MACF1: variants seen among roughly 807,000 people sequenced by gnomAD.
MACF1 encodes microtubule actin crosslinking factor 1.
A neutral mutation model predicts 854.8 loss-of-function variants in MACF1; 193 were observed. The observed-to-expected ratio is 0.23, with a 90% CI of 0.20 to 0.25. MACF1 has a LOEUF of 0.25. MACF1 is among the 10% of genes least tolerant of loss of function. The pLI is 1.00. For missense variants in MACF1, 7,722 were observed against 8,929.1 expected (o/e 0.86, Z 5.45); for synonymous variants, 3,185 against 3,226.7 (o/e 0.99, Z 0.44).
intron 2 of MACF1, among the ~76,000 whole-genome samples, chr1:39,143,652 CATCTT>C (rs1643396751): frequency 6.6e-6 from 1 of 152,194 alleles, no homozygotes; most frequent in Non-Finnish European, 1.5e-5. Flanking sequence ...CTTACTGTTA[CATCTT>C]ACCACTGGGG....
intron 84 of MACF1, among the ~76,000 whole-genome samples, chr1:39,449,570 T>G (rs923476240): frequency 2.2e-4 from 34 of 151,948 alleles, no homozygotes; most frequent in African/African-American, 8.2e-4. Flanking sequence ...GGCTAGTTTT[T>G]TGTATTTTTA....
intron 2 of MACF1, among the ~76,000 whole-genome samples, chr1:39,111,868 G>A (rs1288657425): frequency 1.3e-5 from 2 of 152,056 alleles, no homozygotes; most frequent in Non-Finnish European, 1.5e-5. Context: ...AGTTTCTGAA[G>A]TAAATTAGAA....
Position 39,285,516 on chromosome 1 carries a change from G to A in MACF1, c.1354-88G>A, listed in dbSNP as rs1350018947. ...ATTATTTCCCTTTTTTTTTTTTTTT[G>A]GAATTGCAGTAGACTTCTTGGCTCC... is the stretch of plus-strand genomic sequence containing the variant. On this transcript the variant is annotated intron_variant, in intron 13 of 100. Coordinates refer to ENST00000564288, the MANE Select transcript of MACF1 (RefSeq NM_001394062.1). 2.6e-6 allele frequency: 3 copies of A among 1,169,216 alleles called. No homozygotes were observed. In the South Asian group the frequency reaches 4.4e-5, roughly 17 times the overall value. 72.4% of individuals were successfully genotyped at this position (1,169,216 alleles called of 1,614,324 possible). A position where few individuals can be genotyped will look rare whatever the true frequency, so the allele number is the denominator to read the frequency against.
At position 39,388,081 on chromosome 1, in the gene MACF1, C is replaced by T. The variant is rs1408383694; in HGVS notation, c.15239C>T (p.Ala5080Val). 1 of 1,614,048 alleles carries T rather than the reference C, an allele frequency of 6.2e-7. No homozygotes were observed. Among genetic ancestry groups the T allele is most frequent in the African/African-American group, 1.3e-5 (1 of 75,004 alleles). The change falls in exon 58 of 101, where the codon GCC (alanine) becomes GTC (valine). Residue 5080 changes from alanine to valine, a missense_variant. By Grantham distance (64) the Ala-to-Val change is moderately conservative. This residue lies in a region of MACF1 where 2,807 missense variants were observed against 3,235.8 expected (regional missense o/e 0.87). Transcript: ENST00000564288. ...TTTACTCAGGGTCTGGTAGAAGATG[C>T]CCCAGATGGATCTGATGCTTCTCAA... ...RNFTQGLVED[A>V]PDGSDASQLL... is the part of the protein sequence containing the mutation.
Position 39,358,850 on chromosome 1 carries a change from C to T in MACF1, c.12097C>T (p.Gln4033Ter), listed in dbSNP as rs1417500284. 6.2e-7 allele frequency: 1 copy of T among 1,609,486 alleles called. No individual in the cohort carries two copies. The highest frequency in any genetic ancestry group is 1.3e-5 in the African/African-American group (1 of 74,528). The change falls in exon 46 of 101, where the codon CAG (glutamine) becomes TAG (stop). Residue 4033 changes from glutamine to a stop codon, truncating the protein, a stop_gained. Coordinates refer to ENST00000564288, the MANE Select transcript of MACF1 (RefSeq NM_001394062.1). LOFTEE classifies it high-confidence loss of function. Reference sequence around the variant, plus strand: ...TGTTGCCTCTGACCCTGGAGTTCTCCAGGAGCAGCTTGCAACAACAAAGGT... The same window carrying T: ...TGTTGCCTCTGACCCTGGAGTTCTCTAGGAGCAGCTTGCAACAACAAAGGT... The part of the protein sequence containing the change: ...DTVASDPGVL[Q>*]EQLATTKQLQ...
intron 16 of MACF1, 106 bp from the exon 17 acceptor site, chr1:39,292,660 C>A (rs1571281006): frequency 1.3e-6 from 1 of 775,642 alleles, no homozygotes; most frequent in Non-Finnish European, 2.0e-6. Context: ...TTAGAGCAAC[C>A]AATCCATATC....
intron 5 of MACF1, among the ~76,000 whole-genome samples, chr1:39,256,942 TAA>T (rs1375130236): frequency 6.7e-6 from 1 of 149,352 alleles, no homozygotes; most frequent in African/African-American, 2.5e-5. Context: ...CTGATGGCAA[TAA>T]AAAAGTGACC....
Position 39,254,371 on chromosome 1 carries a change from G to T in MACF1, c.431G>T (p.Arg144Leu). 6.2e-7 allele frequency: 1 copy of T among 1,613,972 alleles called. No individual in the cohort carries two copies. Among genetic ancestry groups the T allele is most frequent in the Non-Finnish European group, 8.5e-7 (1 of 1,179,882 alleles). Residue 144 changes from arginine to leucine, a missense_variant, in exon 5 of 101, where the codon CGA becomes CTA. Arg to Leu is a moderately radical substitution (Grantham distance 102, BLOSUM62 -2). Coordinates refer to ENST00000564288, the MANE Select transcript of MACF1 (RefSeq NM_001394062.1). ...ATTGCCCTGGACTTCCTAAAGCAGC[G>T]ACAGGTAAGACCATCACATGCCTTC... ...VQIALDFLKQ[R>L]QVKLVNIRND...
intron 60 of MACF1, 108 bp from the exon 61 acceptor site, chr1:39,423,920 A>G: frequency 1.1e-6 from 1 of 938,410 alleles, no homozygotes; most frequent in Non-Finnish European, 1.6e-6. Context: ...TCTTTTACTC[A>G]ATGAAGCTTA....
At chr1:39,164,816 T>G (rs1643867570) in intron 2 of MACF1, among the ~76,000 whole-genome samples, 1 of 152,198 alleles carries the variant, frequency 6.6e-6, no homozygotes, top group Admixed American at 6.5e-5. Flanking sequence ...GTTGACAAAC[T>G]TTACTGTGTC....
At chr1:39,465,847 T>A (rs1570179989) in intron 95 of MACF1, among the ~76,000 whole-genome samples, 1 of 152,118 alleles carries the variant, frequency 6.6e-6, no homozygotes, top group African/African-American at 2.4e-5. Flanking sequence ...GCCTTGCAAG[T>A]CACTATAGAA....
intron 74 of MACF1, among the ~76,000 whole-genome samples, chr1:39,441,657 T>A (rs911922225): frequency 1.3e-5 from 2 of 152,190 alleles, no homozygotes; most frequent in Non-Finnish European, 2.9e-5. Context: ...CACAGTTGCT[T>A]CAGAACATCA....
chr1:39,144,745 C>T (rs575701226), intron 2 of MACF1, among the ~76,000 whole-genome samples: 1 of 151,860 alleles, frequency 6.6e-6, no homozygotes, highest in South Asian at 2.1e-4. Context: ...CTCTCCTTGG[C>T]CACCCAAAGT....
At position 39,485,398 on chromosome 1, in the gene MACF1, T is replaced by A. The variant is rs528526816; in HGVS notation, c.22412-140T>A. On this transcript the variant is annotated intron_variant, in intron 100 of 100. Coordinates refer to ENST00000564288, the MANE Select transcript of MACF1 (RefSeq NM_001394062.1). The stretch of plus-strand genomic sequence containing the variant: ...CCAGAAAAGGCTTCAGCAACTTCTG[T>A]ATGGATGAGGAAACTGGGGTGCAGA... 3.0e-4 allele frequency: 299 copies of A among 997,114 alleles called. 3 individuals carry two copies. The South Asian group carries it at 5.0e-3, about 17-fold the overall frequency. The allele number at this position is 997,114 out of a possible 1,614,324, so 61.8% of individuals were successfully genotyped here.
chr1:39,469,689 C>A, intron 97 of MACF1, 74 bp downstream of exon 97: 2 of 1,171,496 alleles, frequency 1.7e-6, no homozygotes, highest in Non-Finnish European at 2.5e-6. Context: ...TAAACTGTAA[C>A]ATCTCTTGGT....
intron 58 of MACF1, 120 bp from the exon 59 acceptor site, chr1:39,422,254 C>G: frequency 1.4e-6 from 1 of 728,150 alleles, no homozygotes. Context: ...CTTGTTCTTT[C>G]TTTTTATTCC....
In MACF1 at chr1:39,460,523, G is replaced by T; in HGVS notation, c.21361-109G>T. 1.1e-6 allele frequency: 1 copy of T among 880,930 alleles called. No homozygotes were observed. Among genetic ancestry groups the T allele is most frequent in the Admixed American group, 2.1e-5 (1 of 47,534 alleles). 54.6% of individuals were successfully genotyped at this position (880,930 alleles called of 1,614,324 possible). A position where few individuals can be genotyped will look rare whatever the true frequency, so the allele number is the denominator to read the frequency against. ...CAAACACATAGATTTCATTGTTGAT[G>T]GCCCCTGGAAGCATGGCTTTACTGA... On this transcript the variant is annotated intron_variant, in intron 91 of 100. Transcript: ENST00000564288. This position sits in a 1 kb window ranked among gnomAD's most constrained non-coding sequence, Gnocchi z 4.1.
chr1:39,120,215 C>T (rs1642663819), intron 2 of MACF1, among the ~76,000 whole-genome samples: 1 of 151,900 alleles, frequency 6.6e-6, no homozygotes, highest in South Asian at 2.1e-4. Context: ...TTTCTAATTT[C>T]TATTTCATAG....
In MACF1 at chr1:39,120,802, A is replaced by G. The variant is rs1012354439; in HGVS notation, c.220+36364A>G. The G allele has an allele frequency of 5.5e-4, 4 of 7,286 alleles. No individual in the cohort carries two copies. In the Non-Finnish European group the frequency reaches 9.4e-3, roughly 17 times the overall value. The allele number at this position is 7,286 out of a possible 1,614,324, so 0.5% of individuals were successfully genotyped here. On this transcript the variant is annotated intron_variant, in intron 2 of 93. Transcript: ENST00000361689. ...GCACATCATGGAGAATGGGGTGTCTATCCCTCAAGCATTTATCTTTGTGTT... is the reference window on the plus strand; with the variant it reads ...GCACATCATGGAGAATGGGGTGTCTGTCCCTCAAGCATTTATCTTTGTGTT...
Sources: allele counts gnomAD v4.1 joint callset (sites outside exome capture counted in the v4.1 genomes callset), GRCh38; gene constraint gnomAD v4.1.1; regional missense constraint gnomAD v4.1.1; non-coding constraint Gnocchi (gnomAD v3.1); transcripts MANE v1.5; gene names NCBI Gene and HGNC (gene_info 2026-07-23, HGNC 2026-07-21).